The following TMEM39A variants were observed in gnomAD, a reference collection of about 807,000 sequenced individuals.
The protein encoded by TMEM39A is suppressor of SQST-1 aggregates in rpl-43 mutants.
TMEM39A carries 19 observed loss-of-function variants against 51.9 expected under a neutral mutation model. The observed-to-expected ratio is 0.37, with a 90% CI of 0.26 to 0.54. The LOEUF is 0.54. Among genes scored for constraint, TMEM39A ranks in the 20% least tolerant of loss-of-function variants. TMEM39A has a pLI of 0.88. For missense variants in TMEM39A, 433 were observed against 590.5 expected (o/e 0.73, Z 2.76); for synonymous variants, 197 against 220.2 (o/e 0.89, Z 0.93).
chr3:119,451,376 CTATT>C, intron 4 of TMEM39A: 3 of 969,700 alleles, frequency 3.1e-6, no homozygotes, highest in South Asian at 2.8e-5. Context: ...ATTATAGTAA[CTATT>C]CATTTAAAAT....
At chr3:119,455,106 A>G (rs1453532446) in intron 3 of TMEM39A, among the ~76,000 whole-genome samples, 1 of 152,170 alleles carries the variant, frequency 6.6e-6, no homozygotes, top group East Asian at 1.9e-4. Flanking sequence ...AATCTGACAA[A>G]ATTATTATGA....
chr3:119,441,576 G>A (rs1919590), intron 5 of TMEM39A, among the ~76,000 whole-genome samples: 126,466 of 152,230 alleles, frequency 0.83, 52,786 homozygotes, highest in African/African-American at 0.91. Flanking sequence ...CGGTTAGTTC[G>A]TGAGGTTTAA....
intron 4 of TMEM39A, among the ~76,000 whole-genome samples, chr3:119,449,301 C>T (rs2081167876): frequency 6.6e-6 from 1 of 152,246 alleles, no homozygotes; most frequent in African/African-American, 2.4e-5. Flanking sequence ...TGGCCGGGTG[C>T]AATGGCTCAC....
chr3:119,435,454 T>G (rs1038479193), intron 7 of TMEM39A: 1 of 980,208 alleles, frequency 1.0e-6, no homozygotes, highest in Non-Finnish European at 1.2e-6. Flanking sequence ...GACTTTTCAC[T>G]GCTTTCATGG....
At chr3:119,437,016 C>A in intron 6 of TMEM39A, 38 bp from the exon 7 acceptor site, 1 of 1,577,354 alleles carries the variant, frequency 6.3e-7, no homozygotes. Flanking sequence ...GATCCATGCA[C>A]TGGTAAAAAG....
chr3:119,438,991 A>G (rs1434171052), intron 5 of TMEM39A, among the ~76,000 whole-genome samples: 1 of 152,230 alleles, frequency 6.6e-6, no homozygotes, highest in Non-Finnish European at 1.5e-5. Flanking sequence ...TCACTGCTGT[A>G]ACTCTGGTAC....
At chr3:119,456,676 A>G (rs1225427690) in intron 3 of TMEM39A, among the ~76,000 whole-genome samples, 1 of 152,178 alleles carries the variant, frequency 6.6e-6, no homozygotes, top group East Asian at 1.9e-4. Flanking sequence ...CCACAATCTT[A>G]GCTCACTGTA....
intron 4 of TMEM39A, among the ~76,000 whole-genome samples, chr3:119,450,482 T>A (rs964223738): frequency 6.6e-6 from 1 of 152,184 alleles, no homozygotes; most frequent in Non-Finnish European, 1.5e-5. Context: ...AAGACTTTGA[T>A]AAAACGATGT....
rs201274806 is a variant in TMEM39A at position 119,446,810 on chromosome 3, AG to A, written c.575+207del. 7.6e-3 allele frequency: 4,119 copies of A among 539,524 alleles called. 136 individuals are homozygous for A. The highest frequency in any genetic ancestry group is 0.071 in the African/African-American group (3,667 of 51,708). 33.4% of individuals were successfully genotyped at this position (539,524 alleles called of 1,614,324 possible). A position where few individuals can be genotyped will look rare whatever the true frequency, so the allele number is the denominator to read the frequency against. On this transcript the variant is annotated intron_variant, in intron 5 of 8. Transcript: ENST00000319172. ...ACACACCCTACATTCCAGGTTTCCC[AG>A]GACAGTCCTGGTTTATGCCTGTTGT... is the stretch of plus-strand genomic sequence containing the variant.
rs1470327544 is a variant in TMEM39A, at chr3:119,431,173, G to A, written c.*808C>T. 6.6e-6 allele frequency: 1 copy of A among 152,068 alleles called. No individual in the cohort carries two copies. The highest frequency in any genetic ancestry group is 1.5e-5 in the Non-Finnish European group (1 of 67,998). The allele number at this position is 152,068 out of a possible 1,614,324, so 9.4% of individuals were successfully genotyped here. A position where few individuals can be genotyped will look rare whatever the true frequency, so the allele number is the denominator to read the frequency against. On this transcript the variant is annotated 3_prime_UTR_variant, in exon 9 of 9. Transcript: ENST00000319172. ...GACTTGCCCACTCTCCCAGTTACTT[G>A]GAATTTTCAACCTTCCCATACTCTA...
chr3:119,449,126 T>C (rs1286782562), intron 4 of TMEM39A, among the ~76,000 whole-genome samples: 1 of 152,150 alleles, frequency 6.6e-6, no homozygotes, highest in East Asian at 1.9e-4. Flanking sequence ...TAAGCAAGAT[T>C]TCGCTAGGTG....
At chr3:119,433,780 G>A (rs954343332) in intron 8 of TMEM39A, among the ~76,000 whole-genome samples, 10 of 152,118 alleles carry the variant, frequency 6.6e-5, no homozygotes, top group African/African-American at 2.4e-4. Context: ...GATGCTTGTC[G>A]TTTTCTCACT....
At chr3:119,457,799 T>G (rs1422257864) in intron 3 of TMEM39A, among the ~76,000 whole-genome samples, 1 of 152,258 alleles carries the variant, frequency 6.6e-6, no homozygotes, top group African/African-American at 2.4e-5. Context: ...ATTATTTAAA[T>G]GTTTTCTGCA....
intron 2 of TMEM39A, among the ~76,000 whole-genome samples, chr3:119,460,633 T>C (rs906452011): frequency 1.3e-5 from 2 of 152,082 alleles, no homozygotes; most frequent in African/African-American, 4.8e-5. Context: ...AAGAGGGATT[T>C]CATGGGACAG....
intron 4 of TMEM39A, 63 bp from the exon 5 acceptor site, chr3:119,447,235 T>C: frequency 6.4e-7 from 1 of 1,553,946 alleles, no homozygotes; most frequent in Non-Finnish European, 8.8e-7. Context: ...AGCATTGTAA[T>C]TCAAGTAAGA....
intron 2 of TMEM39A, among the ~76,000 whole-genome samples, chr3:119,460,836 T>C (rs1037670437): frequency 6.6e-6 from 1 of 152,224 alleles, no homozygotes; most frequent in Non-Finnish European, 1.5e-5. Context: ...GTTGATAGCA[T>C]ATATTAATAA....
intron 5 of TMEM39A, among the ~76,000 whole-genome samples, chr3:119,440,513 T>C (rs1048762855): frequency 5.9e-5 from 9 of 152,270 alleles, no homozygotes; most frequent in South Asian, 2.1e-4. Flanking sequence ...ATGGAGAGCA[T>C]TGGACCAATT....
intron 5 of TMEM39A, among the ~76,000 whole-genome samples, chr3:119,443,752 C>T (rs2081086261): frequency 6.6e-6 from 1 of 151,630 alleles, no homozygotes; most frequent in Admixed American, 6.6e-5. Context: ...CCGATCTCTA[C>T]AAAAAAATTT....
chr3:119,434,097 T>C (rs538816860), intron 8 of TMEM39A, among the ~76,000 whole-genome samples: 3 of 152,330 alleles, frequency 2.0e-5, no homozygotes, highest in African/African-American at 7.2e-5. Context: ...TGCAGGCACC[T>C]ACTTTTCCCC....
Sources: allele counts gnomAD v4.1 joint callset (sites outside exome capture counted in the v4.1 genomes callset), GRCh38; gene constraint gnomAD v4.1.1; transcripts MANE v1.5; gene names NCBI Gene and HGNC (gene_info 2026-07-23, HGNC 2026-07-21).